The following KYAT3 variants were observed in gnomAD, a reference collection of about 807,000 sequenced individuals.
The protein encoded by KYAT3 is kynurenine aminotransferase 3.
Under a neutral mutation model 59.0 loss-of-function variants are expected in KYAT3, and 50 were observed. The observed-to-expected ratio is 0.85, with a 90% CI of 0.68 to 1.07. The LOEUF is 1.07. Ranked by LOEUF, KYAT3 falls within the 50% of genes least tolerant of loss-of-function variation. The probability of loss-of-function intolerance (pLI) is 0.00; values close to 1 mark genes in which losing one functional copy is unlikely to be tolerated. For synonymous variants in KYAT3, 148 were observed against 177.0 expected, an observed-to-expected ratio of 0.84 and a Z score of 1.30; for missense variants, 497 against 533.3, an observed-to-expected ratio of 0.93 and a Z score of 0.67.
chr1:88,935,158 C>G (rs1003737077), downstream of KYAT3, among the ~76,000 whole-genome samples: 6 of 147,792 alleles, frequency 4.1e-5, no homozygotes, highest in South Asian at 6.3e-4. Flanking sequence ...CACGCCCAGC[C>G]AATTTTTTTT....
intron 2 of KYAT3, among the ~76,000 whole-genome samples, chr1:88,984,350 G>A (rs760692598): frequency 6.6e-6 from 1 of 151,682 alleles, no homozygotes; most frequent in Non-Finnish European, 1.5e-5. Flanking sequence ...GAGTAGCTTG[G>A]ATTACCGGCA....
Position 88,968,768 on chromosome 1 carries a change from C to G in KYAT3, c.205G>C (p.Gly69Arg). 6.3e-7 allele frequency: 1 copy of G among 1,595,256 alleles called. No individual in the cohort carries two copies. The highest frequency in any genetic ancestry group is 8.5e-7 in the Non-Finnish European group (1 of 1,174,968). Residue 69 changes from glycine (G) to arginine (R), a missense_variant, in exon 4 of 14, where the codon GGC becomes CGC. Transcript: ENST00000260508. ...LAADPSVVNL[G>R]QGFPDISPPT... Reference sequence around the variant, plus strand: ...GGGGATATATCTGGAAAGCCTTGGCCAAGATTCACAACAGAAGGGTCTGCA... The same window carrying G: ...GGGGATATATCTGGAAAGCCTTGGCGAAGATTCACAACAGAAGGGTCTGCA...
chr1:88,961,605 C>A, intron 6 of KYAT3, 99 bp from the exon 7 acceptor site: 1 of 1,054,504 alleles, frequency 9.5e-7, no homozygotes, highest in South Asian at 1.7e-5. Context: ...CAAAGAAAGT[C>A]ATGGCAAAGG....
Position 88,943,057 on chromosome 1 carries a change from T to A in KYAT3, c.1250A>T (p.Asn417Ile), listed in dbSNP as rs1675300102. ...CTCAAACTGTGATTTAGTCTCTGAG[T>A]TACAGAATGCTGAAACGGGGATGGC... ...LSAIPVSAFC[N>I]SETKSQFEKF... The change falls in exon 13 of 14, where the codon AAC becomes ATC. Residue 417 changes from asparagine to isoleucine, a missense_variant. Asn to Ile is a moderately radical substitution (Grantham distance 149, BLOSUM62 -3). This residue lies in a region of KYAT3 where 28 missense variants were observed against 54.2 expected (regional missense o/e 0.52). Coordinates refer to ENST00000260508, the MANE Select transcript of KYAT3 (RefSeq NM_001008661.3). 1.9e-6 allele frequency: 3 copies of A among 1,612,846 alleles called. No individual in the cohort carries two copies. The highest frequency in any genetic ancestry group is 1.7e-5 in the Admixed American group (1 of 59,930).
downstream of KYAT3, among the ~76,000 whole-genome samples, chr1:88,932,688 G>A (rs1175484528): frequency 6.6e-6 from 1 of 151,994 alleles, no homozygotes; most frequent in Non-Finnish European, 1.5e-5. Flanking sequence ...TGGAGATAAG[G>A]TCTCACTATG....
At chr1:88,929,139 C>A in the KYAT3 span, among the ~76,000 whole-genome samples, 2 of 152,048 alleles carry the variant, frequency 1.3e-5, no homozygotes, top group Admixed American at 6.6e-5. Context: ...AAAGGCAGTA[C>A]CCCCTTAGAC....
rs2101052124 is a variant in KYAT3, at chr1:88,966,493, T to C, written c.304-1515A>G. 1.3e-5 allele frequency among the ~76,000 whole-genome samples: 2 copies of C among 152,254 alleles called. 1 individual carries two copies. Among genetic ancestry groups the C allele is most frequent in the Non-Finnish European group, 2.9e-5 (2 of 67,998 alleles). ...TTGTGTTTTGGGATACTACTATAAA[T>C]AGTATTTAAAAAATTTTACTTTCTA... is the stretch of plus-strand genomic sequence containing the variant. On this transcript the variant is annotated intron_variant, in intron 4 of 13. Coordinates refer to ENST00000260508, the MANE Select transcript of KYAT3 (RefSeq NM_001008661.3).
intron 2 of KYAT3, among the ~76,000 whole-genome samples, chr1:88,978,096 A>G (rs907893892): frequency 6.6e-6 from 1 of 152,028 alleles, no homozygotes; most frequent in Admixed American, 6.6e-5. Flanking sequence ...GTATATATGT[A>G]TATAATATAC....
rs1413397441 is a variant in KYAT3, at chr1:88,964,460, C to T, written c.453+369G>A. ...CAGACACAAAAATAAATGAATGGATCTAGACCCAAGAGTATACACTGTATA... is the reference window on the plus strand; with the variant it reads ...CAGACACAAAAATAAATGAATGGATTTAGACCCAAGAGTATACACTGTATA... On this transcript the variant is annotated intron_variant, in intron 5 of 13. Transcript: ENST00000260508. 3 of 171,476 alleles carry T rather than the reference C, an allele frequency of 1.7e-5. No homozygotes were observed. The East Asian group carries it at 4.9e-4, about 28-fold the overall frequency. 10.6% of individuals were successfully genotyped at this position (171,476 alleles called of 1,614,324 possible). A position where few individuals can be genotyped will look rare whatever the true frequency, so the allele number is the denominator to read the frequency against.
chr1:88,940,504 C>A (rs1050401410), intron 13 of KYAT3, among the ~76,000 whole-genome samples: 2 of 151,934 alleles, frequency 1.3e-5, no homozygotes, highest in African/African-American at 2.4e-5. Context: ...GATAGATTTG[C>A]TGATTTGTAT....
In KYAT3 at chr1:88,942,795, C is replaced by A. The variant is rs532912518; in HGVS notation, c.1302+210G>T. 7.2e-5 allele frequency among the ~76,000 whole-genome samples: 11 copies of A among 152,130 alleles called. No homozygotes were observed. In the East Asian group the frequency reaches 2.1e-3, roughly 29 times the overall value. On this transcript the variant is annotated intron_variant, in intron 13 of 13. Coordinates refer to ENST00000260508, the MANE Select transcript of KYAT3 (RefSeq NM_001008661.3). ...TCCAGGATGATCTTGATCTCCTGACCTCGTGATCAGCCCGCCTCGGCCTCC... is the reference window on the plus strand; with the variant it reads ...TCCAGGATGATCTTGATCTCCTGACATCGTGATCAGCCCGCCTCGGCCTCC...
At chr1:88,933,748 T>A (rs4393127), downstream of KYAT3, among the ~76,000 whole-genome samples, 1 of 152,164 alleles carries the variant, frequency 6.6e-6, no homozygotes, top group Admixed American at 6.5e-5. Flanking sequence ...TGCTTTAAAT[T>A]CTGCTGAAAA....
chr1:88,925,478 T>C, the KYAT3 span, among the ~76,000 whole-genome samples: 3 of 152,346 alleles, frequency 2.0e-5, no homozygotes, highest in East Asian at 1.9e-4. Flanking sequence ...AAGGAAGCTC[T>C]ACGCTGTGTC....
At chr1:88,979,675 G>A (rs1355861063) in intron 2 of KYAT3, 1 of 152,198 alleles carries the variant, frequency 6.6e-6, no homozygotes, top group Non-Finnish European at 1.5e-5. Flanking sequence ...CAGAATGGCT[G>A]AAAACTGAGT....
At chr1:88,987,292 C>T (rs1677518302) in intron 2 of KYAT3, among the ~76,000 whole-genome samples, 1 of 152,032 alleles carries the variant, frequency 6.6e-6, no homozygotes. Flanking sequence ...ACTTCCCTGG[C>T]TTCAACCGAC....
chr1:88,965,656 C>T (rs1347285988), intron 4 of KYAT3, among the ~76,000 whole-genome samples: 4 of 152,164 alleles, frequency 2.6e-5, no homozygotes, highest in Admixed American at 2.6e-4. Flanking sequence ...CTCTCCCCTT[C>T]CTTCCTTTTT....
At chr1:88,955,348 T>C in intron 8 of KYAT3, 123 bp from the exon 9 acceptor site, 2 of 594,404 alleles carry the variant, frequency 3.4e-6, no homozygotes, top group Non-Finnish European at 5.7e-6. Context: ...TTAGCCAGTA[T>C]AGTTATTTCT....
chr1:88,987,525 T>G (rs905994618), intron 2 of KYAT3, among the ~76,000 whole-genome samples: 1 of 152,166 alleles, frequency 6.6e-6, no homozygotes, highest in African/African-American at 2.4e-5. Flanking sequence ...ACAAAAATGG[T>G]ACTTCATATG....
In KYAT3 at chr1:88,936,001, A is replaced by G. The variant is rs879807820; in HGVS notation, c.*182T>C. ...AGGTGTGTTAATACATTTCAACTGG[A>G]AAAAAAAGGTCAGATCCCCCGAAAA... On this transcript the variant is annotated 3_prime_UTR_variant, in exon 14 of 14. Transcript: ENST00000260508. The G allele has an allele frequency of 1.4e-5, 7 of 501,118 alleles. No homozygotes were observed. The highest frequency in any genetic ancestry group is 2.5e-5 in the Non-Finnish European group (7 of 278,006). 31.0% of individuals were successfully genotyped at this position (501,118 alleles called of 1,614,324 possible).
Sources: allele counts gnomAD v4.1 joint callset (sites outside exome capture counted in the v4.1 genomes callset), GRCh38; gene constraint gnomAD v4.1.1; regional missense constraint gnomAD v4.1.1; transcripts MANE v1.5; gene names NCBI Gene and HGNC (gene_info 2026-07-23, HGNC 2026-07-21).